TMEM117: variants seen among roughly 807,000 people sequenced by gnomAD.
TMEM117 encodes transmembrane protein 117.
In TMEM117, 27 loss-of-function variants were observed where a neutral mutation model predicts 52.4. The observed-to-expected ratio is 0.51, with a 90% confidence interval of 0.38 to 0.71. The LOEUF (loss-of-function observed/expected upper bound fraction) is 0.71. Among genes scored for constraint, TMEM117 ranks in the 30% least tolerant of loss-of-function variants. TMEM117 has a pLI of 0.00. For synonymous variants in TMEM117, 215 were observed against 206.3 expected (o/e 1.04, Z -0.36); for missense variants, 556 against 630.5 (o/e 0.88, Z 1.26).
chr12:43,934,949 G>T (rs1944926547), intron 2 of TMEM117, among the ~76,000 whole-genome samples: 1 of 152,070 alleles, frequency 6.6e-6, no homozygotes, highest in African/African-American at 2.4e-5. Context: ...CTTTGTTGAT[G>T]TCCCATTCAT....
At chr12:44,097,849 T>TA (rs1229909813) in intron 3 of TMEM117, among the ~76,000 whole-genome samples, 1 of 151,604 alleles carries the variant, frequency 6.6e-6, no homozygotes, top group Non-Finnish European at 1.5e-5. Flanking sequence ...CCCTAAAACT[T>TA]AAAGTATAAT....
chr12:44,170,221 A>G (rs2138280577), intron 4 of TMEM117, among the ~76,000 whole-genome samples: 1 of 146,340 alleles, frequency 6.8e-6, no homozygotes, highest in Non-Finnish European at 1.5e-5. Context: ...ACATGTTCTC[A>G]CTCATAGGTG....
intron 3 of TMEM117, among the ~76,000 whole-genome samples, chr12:43,945,897 G>A (rs1945124194): frequency 6.6e-6 from 1 of 152,148 alleles, no homozygotes; most frequent in Non-Finnish European, 1.5e-5. Flanking sequence ...AGTACTGAGA[G>A]GGAAGCTCAT....
At chr12:43,955,829 A>G (rs917561356) in intron 3 of TMEM117, among the ~76,000 whole-genome samples, 2 of 152,220 alleles carry the variant, frequency 1.3e-5, no homozygotes, top group African/African-American at 4.8e-5. Context: ...TCGCATAGCT[A>G]AAGTGACAGT....
intron 3 of TMEM117, among the ~76,000 whole-genome samples, chr12:44,038,687 G>A (rs563227927): frequency 6.6e-6 from 1 of 152,174 alleles, no homozygotes; most frequent in Non-Finnish European, 1.5e-5. Context: ...AACACCTGAC[G>A]GATCCTGTGA....
intron 6 of TMEM117, among the ~76,000 whole-genome samples, chr12:44,335,890 A>G (rs1248669818): frequency 1.3e-5 from 2 of 152,054 alleles, no homozygotes; most frequent in Admixed American, 6.6e-5. Context: ...CTAAAACTAC[A>G]TACACTACAA....
At chr12:44,058,955 C>T (rs982014942) in intron 3 of TMEM117, among the ~76,000 whole-genome samples, 2 of 152,066 alleles carry the variant, frequency 1.3e-5, no homozygotes, top group South Asian at 2.1e-4. Context: ...TTCCATGGAT[C>T]GGGGGATGGG....
At chr12:44,170,057 A>G (rs1949023099) in intron 4 of TMEM117, among the ~76,000 whole-genome samples, 1 of 152,106 alleles carries the variant, frequency 6.6e-6, no homozygotes, top group Non-Finnish European at 1.5e-5. Context: ...ATGCCCATCA[A>G]TGATAGAATG....
chr12:44,396,606 C>A, the TMEM117 span, among the ~76,000 whole-genome samples: 1 of 152,162 alleles, frequency 6.6e-6, no homozygotes, highest in Middle Eastern at 3.4e-3. Context: ...GTAATCCCAG[C>A]AATTTGGGAG....
chr12:43,932,422 C>T (rs1944886641), intron 2 of TMEM117, among the ~76,000 whole-genome samples: 1 of 147,846 alleles, frequency 6.8e-6, no homozygotes, highest in African/African-American at 2.5e-5. Flanking sequence ...CAAAGTGATT[C>T]CTGCATCCTG....
chr12:44,148,650 TG>T (rs1399567387), intron 4 of TMEM117, among the ~76,000 whole-genome samples: 1 of 152,154 alleles, frequency 6.6e-6, no homozygotes, highest in Admixed American at 6.5e-5. Context: ...TTCAAAAGAC[TG>T]TTCATACTAG....
chr12:44,067,370 T>C (rs575869301), intron 3 of TMEM117, among the ~76,000 whole-genome samples: 2 of 152,298 alleles, frequency 1.3e-5, no homozygotes, highest in South Asian at 4.1e-4. Flanking sequence ...TTTGCCCAGA[T>C]ACATCAGAGG....
chr12:43,836,423 A>AG (rs1363722275), intron 1 of TMEM117, among the ~76,000 whole-genome samples: 1 of 151,642 alleles, frequency 6.6e-6, no homozygotes, highest in Non-Finnish European at 1.5e-5. Flanking sequence ...TCAAGGAGGG[A>AG]GGGGGGACGC....
At chr12:44,246,827 A>G (rs990688696) in intron 5 of TMEM117, among the ~76,000 whole-genome samples, 27 of 152,118 alleles carry the variant, frequency 1.8e-4, no homozygotes, top group African/African-American at 5.8e-4. Flanking sequence ...GAACACATCA[A>G]CCTGGGGTTT....
intron 2 of TMEM117, among the ~76,000 whole-genome samples, chr12:43,884,072 G>A (rs577881016): frequency 4.3e-4 from 65 of 150,868 alleles, no homozygotes; most frequent in African/African-American, 1.5e-3. Context: ...GAAGGTCAAG[G>A]CTGCAGTGAG....
At chr12:44,103,997 A>T (rs751063118) in intron 3 of TMEM117, among the ~76,000 whole-genome samples, 5 of 151,960 alleles carry the variant, frequency 3.3e-5, no homozygotes, top group African/African-American at 7.2e-5. Flanking sequence ...CTGAATTAAA[A>T]CTTTACAGTA....
chr12:44,325,931 G>C (rs995196991), intron 6 of TMEM117, among the ~76,000 whole-genome samples: 14 of 152,290 alleles, frequency 9.2e-5, no homozygotes, highest in African/African-American at 3.1e-4. Flanking sequence ...GTGTCCAAGG[G>C]GGGCAGATCT....
chr12:44,032,921 G>A (rs941288184), intron 3 of TMEM117, among the ~76,000 whole-genome samples: 4 of 152,174 alleles, frequency 2.6e-5, no homozygotes, highest in African/African-American at 9.7e-5. Flanking sequence ...TGTCAGAGGT[G>A]TGTGAACTGG....
intron 2 of TMEM117, among the ~76,000 whole-genome samples, chr12:43,899,370 A>G (rs527832628): frequency 3.3e-5 from 5 of 152,314 alleles, no homozygotes; most frequent in Non-Finnish European, 5.9e-5. Flanking sequence ...AACTTTCTTC[A>G]TCGTTAAAAA....
Sources: gnomAD v4.1 joint callset for allele counts (sites outside exome capture counted in the v4.1 genomes callset) on GRCh38, gnomAD v4.1.1 for gene constraint, MANE v1.5 for transcripts, NCBI Gene and HGNC (gene_info 2026-07-23, HGNC 2026-07-21) for gene names.